The following ANXA3 variants were observed in gnomAD, a reference collection of about 807,000 sequenced individuals.
ANXA3 encodes 35-alpha calcimedin.
Under a neutral mutation model 48.8 loss-of-function variants are expected in ANXA3, and 46 were observed. The ratio of observed to expected loss-of-function variants is 0.94; its 90% CI spans 0.74 to 1.21. ANXA3 has a LOEUF of 1.21. Among genes scored for constraint, ANXA3 ranks in the 50% most tolerant of loss-of-function variants. The pLI is 0.00. For missense variants in ANXA3, 383 were observed against 378.6 expected, an observed-to-expected ratio of 1.01 and a Z score of -0.10; for synonymous variants, 128 against 134.7, an observed-to-expected ratio of 0.95 and a Z score of 0.35.
At chr4:78,587,989 A>G (rs908370448) in intron 6 of ANXA3, among the ~76,000 whole-genome samples, 7 of 152,258 alleles carry the variant, frequency 4.6e-5, no homozygotes, top group South Asian at 2.1e-4. Flanking sequence ...CCAGCTACTC[A>G]GGAGGCTGAG....
chr4:78,553,192 G>A (rs1047689041), intron 1 of ANXA3, among the ~76,000 whole-genome samples: 5 of 152,224 alleles, frequency 3.3e-5, no homozygotes, highest in African/African-American at 1.2e-4. Flanking sequence ...CCTAGATGCA[G>A]TAGGGGTCCA....
intron 3 of ANXA3, among the ~76,000 whole-genome samples, chr4:78,576,630 CTG>C (rs1237358780): frequency 1.3e-5 from 2 of 152,136 alleles, no homozygotes; most frequent in African/African-American, 4.8e-5. Flanking sequence ...GTTGAATAGA[CTG>C]TTTCATGAGG....
In ANXA3 at chr4:78,551,787, C is replaced by T; in HGVS notation, c.-111C>T. ...CCGGAGCCAGCGCGGAGCACCTGCGCCCGCGGCTGACACCTTCGCTCGCAG... is the reference window on the plus strand; with the variant it reads ...CCGGAGCCAGCGCGGAGCACCTGCGTCCGCGGCTGACACCTTCGCTCGCAG... On this transcript the variant is annotated 5_prime_UTR_variant, in exon 1 of 13. Transcript: ENST00000264908. 1 of 152,466 alleles carries T rather than the reference C, an allele frequency of 6.6e-6. No homozygotes were observed. Among genetic ancestry groups the T allele is most frequent in the Admixed American group, 6.5e-5 (1 of 15,310 alleles). 9.4% of individuals were successfully genotyped at this position (152,466 alleles called of 1,614,324 possible).
At chr4:78,579,611 A>C (rs759600617) in intron 4 of ANXA3, among the ~76,000 whole-genome samples, 2 of 152,216 alleles carry the variant, frequency 1.3e-5, no homozygotes, top group Non-Finnish European at 2.9e-5. Context: ...TAAAATATTT[A>C]TGTAGTTATA....
At chr4:78,598,508 A>AT (rs905404863) in intron 10 of ANXA3, among the ~76,000 whole-genome samples, 36 of 150,978 alleles carry the variant, frequency 2.4e-4, no homozygotes, top group Non-Finnish European at 2.8e-4. Flanking sequence ...CACCTGGTTA[A>AT]TTTTTTTTTC....
intron 2 of ANXA3, among the ~76,000 whole-genome samples, chr4:78,557,935 G>A (rs1054992655): frequency 4.6e-5 from 7 of 152,216 alleles, no homozygotes; most frequent in African/African-American, 1.7e-4. Flanking sequence ...GTTCACTGCA[G>A]TACTTTTTAC....
At chr4:78,608,525 A>G (rs1193082673) in intron 12 of ANXA3, among the ~76,000 whole-genome samples, 2 of 152,184 alleles carry the variant, frequency 1.3e-5, no homozygotes, top group East Asian at 3.8e-4. Context: ...TATCAGGATC[A>G]TGAAAAGATC....
intron 2 of ANXA3, among the ~76,000 whole-genome samples, chr4:78,560,656 T>C (rs1447119158): frequency 6.6e-6 from 1 of 152,218 alleles, no homozygotes; most frequent in Non-Finnish European, 1.5e-5. Context: ...CCAGCCCCTC[T>C]TTCCTCCTCA....
chr4:78,572,287 C>T (rs1436136030), intron 2 of ANXA3, among the ~76,000 whole-genome samples: 1 of 152,164 alleles, frequency 6.6e-6, no homozygotes, highest in East Asian at 1.9e-4. Context: ...GGGTAGATAT[C>T]ATATTCCCTG....
intron 2 of ANXA3, among the ~76,000 whole-genome samples, chr4:78,560,191 G>GA (rs1722598271): frequency 6.6e-6 from 1 of 152,066 alleles, no homozygotes; most frequent in African/African-American, 2.4e-5. Context: ...GGGCATACTG[G>GA]AATACAGTTC....
At chr4:78,563,397 A>G (rs892409344) in intron 2 of ANXA3, among the ~76,000 whole-genome samples, 2 of 152,030 alleles carry the variant, frequency 1.3e-5, no homozygotes, top group South Asian at 2.1e-4. Context: ...CCCCTCCCCC[A>G]CCAACCTGCC....
At chr4:78,594,747 A>G (rs1180174567) in intron 7 of ANXA3, among the ~76,000 whole-genome samples, 1 of 152,118 alleles carries the variant, frequency 6.6e-6, no homozygotes, top group Non-Finnish European at 1.5e-5. Context: ...GAGTTTTAAG[A>G]GTTCTTTATG....
intron 4 of ANXA3, among the ~76,000 whole-genome samples, chr4:78,580,924 A>C (rs1222459008): frequency 2.0e-5 from 3 of 152,238 alleles, no homozygotes; most frequent in Non-Finnish European, 4.4e-5. Context: ...GAGAAGGTGA[A>C]TGATCTATTG....
chr4:78,566,908 G>A (rs1042958883), intron 2 of ANXA3, among the ~76,000 whole-genome samples: 1 of 152,166 alleles, frequency 6.6e-6, no homozygotes, highest in South Asian at 2.1e-4. Context: ...CAGAACTTTG[G>A]ACACATTATG....
chr4:78,565,057 G>T (rs968650717), intron 2 of ANXA3, among the ~76,000 whole-genome samples: 1 of 147,798 alleles, frequency 6.8e-6, no homozygotes, highest in Non-Finnish European at 1.5e-5. Flanking sequence ...GCAGTAGCAC[G>T]ATCTCAGCTC....
At chr4:78,557,414 C>G (rs1001269897) in intron 2 of ANXA3, among the ~76,000 whole-genome samples, 2 of 152,096 alleles carry the variant, frequency 1.3e-5, no homozygotes, top group Admixed American at 6.6e-5. Flanking sequence ...AGGTCTGGAA[C>G]CTTAATTATG....
rs551574098 is a variant in ANXA3, at chr4:78,595,164, G to A, written c.484-217G>A. 1.9e-4 allele frequency among the ~76,000 whole-genome samples: 29 copies of A among 150,912 alleles called. No individual in the cohort carries two copies. Among genetic ancestry groups the A allele is most frequent in the Non-Finnish European group, 3.8e-4 (26 of 67,990 alleles). ...TAAATATATATATATATGAATTTTC[G>A]GAGGAGGGAACTGAGGCCCCCAAAA... On this transcript the variant is annotated intron_variant, in intron 7 of 12. Coordinates refer to ENST00000264908, the MANE Select transcript of ANXA3 (RefSeq NM_005139.3).
intron 2 of ANXA3, among the ~76,000 whole-genome samples, chr4:78,559,273 G>T (rs1275999383): frequency 6.6e-6 from 1 of 151,944 alleles, no homozygotes; most frequent in Non-Finnish European, 1.5e-5. Flanking sequence ...TATAGAGATG[G>T]GAATTCACTG....
chr4:78,596,627 A>T (rs1560450219), intron 9 of ANXA3, among the ~76,000 whole-genome samples: 1 of 152,238 alleles, frequency 6.6e-6, no homozygotes, highest in Non-Finnish European at 1.5e-5. Flanking sequence ...TTTGCATTAA[A>T]ATCACATTTA....
Sources: allele counts gnomAD v4.1 joint callset (sites outside exome capture counted in the v4.1 genomes callset), GRCh38; gene constraint gnomAD v4.1.1; transcripts MANE v1.5; gene names NCBI Gene and HGNC (gene_info 2026-07-23, HGNC 2026-07-21).